Variants in ATF6 observed in about 807,000 individuals in gnomAD.
ATF6 encodes the protein cyclic AMP-dependent transcription factor ATF-6 alpha.
In ATF6, 53 loss-of-function variants were observed where a neutral mutation model predicts 83.6. The ratio of observed to expected loss-of-function variants is 0.63; its 90% CI spans 0.51 to 0.80. The LOEUF is 0.80. Among genes scored for constraint, ATF6 ranks in the 30% least tolerant of loss-of-function variants. ATF6 has a pLI of 0.00. For missense variants in ATF6, 744 were observed against 797.9 expected (o/e 0.93, Z 0.81); for synonymous variants, 288 against 285.8 (o/e 1.01, Z -0.08).
intron 6 of ATF6, 63 bp downstream of exon 6, chr1:161,792,390 T>A: frequency 2.7e-6 from 4 of 1,470,242 alleles, no homozygotes; most frequent in Non-Finnish European, 2.8e-6. Context: ...TTGTGTCATA[T>A]GATTTGTTTT....
In ATF6 at chr1:161,894,176, C is replaced by T. The variant is rs112296661; in HGVS notation, c.1720-18120C>T. On this transcript the variant is annotated intron_variant, in intron 14 of 15. Transcript: ENST00000367942. The stretch of plus-strand genomic sequence containing the variant: ...ATTTGCCTGTTATTAGTACTTGTTA[C>T]TTGAAGCCACGTTTTTGTTCCTTTT... Among the ~76,000 whole-genome samples the T allele has an allele frequency of 1.0e-2, 1,490 of 149,434 alleles. 8 individuals are homozygous for T. The highest frequency in any genetic ancestry group is 0.017 in the South Asian group (82 of 4,740).
At chr1:161,919,494 G>C (rs1249236668) in intron 15 of ATF6, among the ~76,000 whole-genome samples, 2 of 152,102 alleles carry the variant, frequency 1.3e-5, no homozygotes. Flanking sequence ...TAGAAAAGGG[G>C]GTTTTTAATT....
intron 10 of ATF6, 83 bp downstream of exon 10, chr1:161,846,663 T>A (rs1686493826): frequency 7.5e-7 from 1 of 1,340,566 alleles, no homozygotes; most frequent in African/African-American, 1.5e-5. Flanking sequence ...TAACATTGCA[T>A]CTAAATTGTT....
chr1:161,900,930 C>G (rs1477199980), intron 14 of ATF6, among the ~76,000 whole-genome samples: 1 of 151,950 alleles, frequency 6.6e-6, no homozygotes, highest in Non-Finnish European at 1.5e-5. Flanking sequence ...TATGAGAATA[C>G]TTTTTTGGGT....
intron 6 of ATF6, among the ~76,000 whole-genome samples, chr1:161,800,740 C>T (rs1238647375): frequency 6.6e-6 from 1 of 152,156 alleles, no homozygotes. Flanking sequence ...TGAGAAGAAA[C>T]ATCAGAAGCA....
chr1:161,907,612 C>G (rs534699639), intron 14 of ATF6, among the ~76,000 whole-genome samples: 1 of 152,132 alleles, frequency 6.6e-6, no homozygotes, highest in Non-Finnish European at 1.5e-5. Flanking sequence ...ATAAAGGGCT[C>G]CAACCTTGAG....
In ATF6 at chr1:161,959,511, A is replaced by G. The variant is rs1689046009; in HGVS notation, c.*857A>G. 6.6e-6 allele frequency: 1 copy of G among 152,040 alleles called. No homozygotes were observed. The highest frequency in any genetic ancestry group is 2.1e-4 in the South Asian group (1 of 4,812). 9.4% of individuals were successfully genotyped at this position (152,040 alleles called of 1,614,324 possible). A position where few individuals can be genotyped will look rare whatever the true frequency, so the allele number is the denominator to read the frequency against. The stretch of plus-strand genomic sequence containing the variant: ...CGGTGAAACCCCGTCTCTACTAAAA[A>G]TACAAAAAATTAGCCGGGCGTAGTG... On this transcript the variant is annotated 3_prime_UTR_variant, in exon 16 of 16. Transcript: ENST00000367942.
rs200145443 is a variant in ATF6 at position 161,802,222 on chromosome 1, T to C, written c.859T>C (p.Ser287Pro). 8 of 1,613,928 alleles carry C rather than the reference T, an allele frequency of 5.0e-6. No individual in the cohort carries two copies. The highest frequency in any genetic ancestry group is 1.1e-5 in the South Asian group (1 of 91,084). Residue 287 changes from serine (S) to proline (P), a missense_variant, in exon 7 of 16, where the codon TCC becomes CCC. Ser to Pro is a moderately conservative substitution (Grantham distance 74). Coordinates refer to ENST00000367942, the MANE Select transcript of ATF6 (RefSeq NM_007348.4). ...GAATAGCCCAGTGAATGGAAAACTT[T>C]CCGTGACTAAACCTGTCCTACAAAG... is the stretch of plus-strand genomic sequence containing the variant. Reference protein sequence around the residue: ...SANSPVNGKLSVTKPVLQSTM... With the variant: ...SANSPVNGKLPVTKPVLQSTM...
intron 1 of ATF6, among the ~76,000 whole-genome samples, chr1:161,771,508 C>T (rs1684389355): frequency 1.3e-5 from 2 of 152,188 alleles, no homozygotes; most frequent in African/African-American, 4.8e-5. Flanking sequence ...CACTGCTATT[C>T]TCCTTTCCTC....
At chr1:161,801,610 A>C (rs1442711292) in intron 6 of ATF6, among the ~76,000 whole-genome samples, 3 of 152,018 alleles carry the variant, frequency 2.0e-5, no homozygotes, top group Non-Finnish European at 2.9e-5. Flanking sequence ...TACTAAGTTT[A>C]TGTTCAGATA....
chr1:161,940,783 C>T (rs982635568), intron 15 of ATF6, among the ~76,000 whole-genome samples: 11 of 152,014 alleles, frequency 7.2e-5, no homozygotes, highest in African/African-American at 2.2e-4. Context: ...AGGATGGCCT[C>T]GATCTCTTGA....
intron 10 of ATF6, among the ~76,000 whole-genome samples, chr1:161,849,670 C>CT (rs1207838535): frequency 6.6e-6 from 1 of 151,106 alleles, no homozygotes; most frequent in Non-Finnish European, 1.5e-5. Context: ...GAACTGTAAA[C>CT]TTTTTTTATT....
intron 14 of ATF6, among the ~76,000 whole-genome samples, chr1:161,871,209 A>G (rs1188558746): frequency 6.6e-6 from 1 of 151,702 alleles, no homozygotes; most frequent in East Asian, 1.9e-4. Context: ...TGAATGTTTA[A>G]AATTACTTCG....
chr1:161,777,673 A>G (rs944826099), intron 1 of ATF6, among the ~76,000 whole-genome samples: 3 of 152,244 alleles, frequency 2.0e-5, no homozygotes, highest in Admixed American at 1.3e-4. Context: ...CTGTATCCAC[A>G]TATTTCTTGA....
At chr1:161,862,655 T>C (rs1015661643) in intron 13 of ATF6, among the ~76,000 whole-genome samples, 4 of 152,122 alleles carry the variant, frequency 2.6e-5, no homozygotes, top group African/African-American at 9.7e-5. Context: ...TATACTCTTT[T>C]TATTGAGGAG....
chr1:161,947,687 A>G, intron 15 of ATF6, among the ~76,000 whole-genome samples: 1 of 152,120 alleles, frequency 6.6e-6, no homozygotes, highest in East Asian at 1.9e-4. Context: ...TGCTATTTAT[A>G]TGCTTAAGTA....
intron 14 of ATF6, among the ~76,000 whole-genome samples, chr1:161,869,720 T>TG (rs773825726): frequency 6.6e-5 from 10 of 151,854 alleles, no homozygotes; most frequent in Non-Finnish European, 1.2e-4. Flanking sequence ...GTACCCTAGG[T>TG]TAATAAACTT....
chr1:161,924,449 G>A (rs1393273167), intron 15 of ATF6, among the ~76,000 whole-genome samples: 2 of 152,182 alleles, frequency 1.3e-5, no homozygotes, highest in Admixed American at 6.5e-5. Context: ...TATAAATGCA[G>A]ATTGTTAATT....
chr1:161,790,352 C>T (rs1223215252), intron 4 of ATF6, among the ~76,000 whole-genome samples: 1 of 152,112 alleles, frequency 6.6e-6, no homozygotes, highest in Admixed American at 6.6e-5. Flanking sequence ...ATTGCGTGAT[C>T]ATGCATGCCA....
Sources: gnomAD v4.1 joint callset for allele counts (sites outside exome capture counted in the v4.1 genomes callset) on GRCh38, gnomAD v4.1.1 for gene constraint, MANE v1.5 for transcripts, NCBI Gene and HGNC (gene_info 2026-07-23, HGNC 2026-07-21) for gene names.